The following ERGIC1 variants were observed in gnomAD, a reference collection of about 807,000 sequenced individuals.
ERGIC1 encodes endoplasmic reticulum-golgi intermediate compartment 1, also known as endoplasmic reticulum-Golgi intermediate compartment protein 1.
A neutral mutation model predicts 38.3 loss-of-function variants in ERGIC1; 19 were observed. That is an observed-to-expected ratio of 0.50 (90% CI 0.35 to 0.73). The LOEUF is 0.73. Among genes scored for constraint, ERGIC1 ranks in the 30% least tolerant of loss-of-function variants. ERGIC1 has a pLI of 0.01. For synonymous variants in ERGIC1, 124 were observed against 157.6 expected, an observed-to-expected ratio of 0.79 and a Z score of 1.60; for missense variants, 294 against 389.2, an observed-to-expected ratio of 0.76 and a Z score of 2.06.
At chr5:172,886,397 G>A (rs763779696) in intron 1 of ERGIC1, among the ~76,000 whole-genome samples, 7 of 151,704 alleles carry the variant, frequency 4.6e-5, no homozygotes, top group Non-Finnish European at 7.4e-5. Flanking sequence ...AAGCTTCACC[G>A]AGGACCCCAG....
chr5:172,867,332 A>G (rs535404277), intron 1 of ERGIC1: 47 of 424,656 alleles, frequency 1.1e-4, no homozygotes, highest in African/African-American at 9.1e-4. Context: ...TGAAAGGCCA[A>G]GGACGATTCA....
intron 7 of ERGIC1, among the ~76,000 whole-genome samples, chr5:172,931,750 A>G (rs1160850733): frequency 6.6e-6 from 1 of 151,956 alleles, no homozygotes; most frequent in Non-Finnish European, 1.5e-5. Context: ...ATATATTTAC[A>G]TGGATACAGA....
intron 9 of ERGIC1, among the ~76,000 whole-genome samples, chr5:172,942,396 G>A (rs1209640359): frequency 6.6e-6 from 1 of 152,024 alleles, no homozygotes; most frequent in Admixed American, 6.6e-5. Flanking sequence ...TTCCCTCGGT[G>A]TCTCTCTTCC....
At chr5:172,923,249 TGGGAGGA>T (rs1326759337) in intron 5 of ERGIC1, among the ~76,000 whole-genome samples, 1 of 50,612 alleles carries the variant, frequency 2.0e-5, no homozygotes, top group African/African-American at 6.6e-5. Flanking sequence ...TCTGAGCATC[TGGGAGGA>T]GGGAGGAGGG....
intron 9 of ERGIC1, among the ~76,000 whole-genome samples, chr5:172,946,662 C>T (rs1407185140): frequency 6.6e-6 from 1 of 152,200 alleles, no homozygotes; most frequent in Non-Finnish European, 1.5e-5. Context: ...TGTGAGAACG[C>T]CCTGGCACTG....
intron 2 of ERGIC1, among the ~76,000 whole-genome samples, chr5:172,891,647 C>A (rs1762562571): frequency 6.6e-6 from 1 of 152,080 alleles, no homozygotes; most frequent in Admixed American, 6.6e-5. Context: ...ACCATGTTGG[C>A]CAGGCTGGTC....
At position 172,947,876 on chromosome 5, in the gene ERGIC1, TTGTGTGTGTGTG is replaced by T. The variant is rs10566172; in HGVS notation, c.766-2808_766-2797del. Among the ~76,000 whole-genome samples, 107 of 145,822 alleles carry T rather than the reference TTGTGTGTGTGTG, an allele frequency of 7.3e-4. 2 individuals carry two copies. In the South Asian group the frequency reaches 8.2e-3, roughly 11 times the overall value. ...GTGTGTAGATGAATACAGATGTGTT[TTGTGTGTGTGTG>T]TGTGTGTGTGTGTGTGTGTGTGTGG... On this transcript the variant is annotated intron_variant, in intron 9 of 9. Transcript: ENST00000393784.
At chr5:172,863,503 C>T (rs1025307403) in intron 1 of ERGIC1, among the ~76,000 whole-genome samples, 2 of 152,150 alleles carry the variant, frequency 1.3e-5, no homozygotes, top group African/African-American at 2.4e-5. Context: ...GACCCTTGGG[C>T]GCGATCAGCC....
chr5:172,851,217 A>T (rs1311040646), intron 1 of ERGIC1, among the ~76,000 whole-genome samples: 188 of 147,136 alleles, frequency 1.3e-3, no homozygotes, highest in Non-Finnish European at 2.2e-3. Context: ...AAAAAAAAAA[A>T]AAATTAAAAA....
chr5:172,895,231 T>C (rs1292346422), intron 2 of ERGIC1, among the ~76,000 whole-genome samples: 1 of 152,216 alleles, frequency 6.6e-6, no homozygotes, highest in Non-Finnish European at 1.5e-5. Context: ...CAGGTAATTA[T>C]TACCTGCCGG....
chr5:172,910,398 C>T (rs555381516), intron 4 of ERGIC1, among the ~76,000 whole-genome samples: 13 of 152,294 alleles, frequency 8.5e-5, no homozygotes, highest in South Asian at 2.1e-4. Flanking sequence ...GAAGCTGGAG[C>T]GGTCCACCAT....
intron 2 of ERGIC1, among the ~76,000 whole-genome samples, chr5:172,892,062 GTTTTT>G (rs573472747): frequency 1.4e-4 from 13 of 90,188 alleles, no homozygotes; most frequent in African/African-American, 5.3e-4. Flanking sequence ...TAAAGAGTAT[GTTTTT>G]TTTTTTTTTT....
chr5:172,844,292 C>T (rs948365063), intron 1 of ERGIC1, among the ~76,000 whole-genome samples: 1 of 152,212 alleles, frequency 6.6e-6, no homozygotes, highest in African/African-American at 2.4e-5. Flanking sequence ...CCACCTGGAG[C>T]GCGAGGCCCT....
intron 1 of ERGIC1, among the ~76,000 whole-genome samples, chr5:172,841,763 A>G (rs1031124890): frequency 1.3e-5 from 2 of 152,226 alleles, no homozygotes; most frequent in African/African-American, 2.4e-5. Context: ...TGTCTTGAGC[A>G]CTGGGCTAGG....
At chr5:172,902,186 T>G (rs1762899945) in intron 3 of ERGIC1, among the ~76,000 whole-genome samples, 1 of 151,952 alleles carries the variant, frequency 6.6e-6, no homozygotes, top group Non-Finnish European at 1.5e-5. Context: ...AGGACTTGGA[T>G]GCACCCTTCT....
At chr5:172,907,846 G>A (rs536906858) in intron 3 of ERGIC1, among the ~76,000 whole-genome samples, 1 of 152,322 alleles carries the variant, frequency 6.6e-6, no homozygotes, top group East Asian at 1.9e-4. Flanking sequence ...GCTGAGTGAT[G>A]TCTGGTTCTT....
chr5:172,942,649 C>T (rs1764036234), intron 9 of ERGIC1, among the ~76,000 whole-genome samples: 1 of 152,188 alleles, frequency 6.6e-6, no homozygotes, highest in Non-Finnish European at 1.5e-5. Context: ...AGTTCAGATC[C>T]TTCCGTGGTA....
chr5:172,854,999 G>T (rs1761509138), intron 1 of ERGIC1, among the ~76,000 whole-genome samples: 2 of 152,122 alleles, frequency 1.3e-5, no homozygotes, highest in Admixed American at 1.3e-4. Flanking sequence ...CTGTACTGAG[G>T]GGCCACCTGG....
At chr5:172,918,716 C>T (rs1341282235) in intron 5 of ERGIC1, among the ~76,000 whole-genome samples, 1 of 152,194 alleles carries the variant, frequency 6.6e-6, no homozygotes, top group African/African-American at 2.4e-5. Context: ...CAATGGGAGC[C>T]AGACGCAGGC....
Sources: gnomAD v4.1 joint callset for allele counts (sites outside exome capture counted in the v4.1 genomes callset) on GRCh38, gnomAD v4.1.1 for gene constraint, MANE v1.5 for transcripts, NCBI Gene and HGNC (gene_info 2026-07-23, HGNC 2026-07-21) for gene names.